PCDH10: variants seen among roughly 807,000 people sequenced by gnomAD.
The protein encoded by PCDH10 is protocadherin-10.
PCDH10 carries 15 observed loss-of-function variants against 74.4 expected under a neutral mutation model. That is an observed-to-expected ratio of 0.20 (90% CI 0.13 to 0.31). The LOEUF is 0.31. Ranked by LOEUF, PCDH10 falls within the 10% of genes least tolerant of loss-of-function variation. The pLI, the probability that PCDH10 is intolerant of heterozygous loss-of-function variation, is 1.00. For missense variants in PCDH10, 1,260 were observed against 1,390.2 expected (o/e 0.91, Z 1.49); for synonymous variants, 619 against 589.8 (o/e 1.05, Z -0.72).
In PCDH10 at chr4:133,150,856, G is replaced by A. The variant is rs1312444319; in HGVS notation, c.716G>A (p.Arg239Gln). 6.2e-7 allele frequency: 1 copy of A among 1,603,692 alleles called. No homozygotes were observed. The highest frequency in any genetic ancestry group is 1.1e-5 in the South Asian group (1 of 90,112). The change falls in exon 1 of 5, where the codon CGA becomes CAA. Residue 239 changes from arginine to glutamine, a missense_variant. Physicochemically the swap from Arg to Gln is conservative, Grantham distance 43. Coordinates refer to ENST00000264360, the MANE Select transcript of PCDH10 (RefSeq NM_032961.3). ...QRTGTALLTI[R>Q]VLDSNDNVPA... ...ACCGGCACGGCCCTACTCACCATCC[G>A]AGTGCTGGACTCCAATGACAATGTG... is the stretch of plus-strand genomic sequence containing the variant.
At chr4:133,157,518 T>C (rs1034375072) in intron 3 of PCDH10, among the ~76,000 whole-genome samples, 1 of 152,066 alleles carries the variant, frequency 6.6e-6, no homozygotes, top group African/African-American at 2.4e-5. Flanking sequence ...AAGTTCAGGA[T>C]AGGAAAAAAA....
At chr4:133,207,893 A>G (rs758419728) in intron 2 of PCDH10, among the ~76,000 whole-genome samples, 5 of 152,162 alleles carry the variant, frequency 3.3e-5, no homozygotes, top group Non-Finnish European at 5.9e-5. Flanking sequence ...ACATCCTAAC[A>G]TTGACAGCCT....
At chr4:133,186,355 T>G (rs1366222776) in intron 4 of PCDH10, among the ~76,000 whole-genome samples, 2 of 152,144 alleles carry the variant, frequency 1.3e-5, no homozygotes, top group Non-Finnish European at 2.9e-5. Context: ...ACTTCTGATT[T>G]CATTTGATTG....
At chr4:133,185,547 C>A (rs751608697) in intron 4 of PCDH10, among the ~76,000 whole-genome samples, 1 of 152,090 alleles carries the variant, frequency 6.6e-6, no homozygotes, top group Admixed American at 6.6e-5. Context: ...TTACATAGAG[C>A]GGAGAGCAGA....
chr4:133,189,328 C>T (rs945142612), intron 4 of PCDH10, among the ~76,000 whole-genome samples: 14 of 152,038 alleles, frequency 9.2e-5, no homozygotes, highest in Non-Finnish European at 1.8e-4. Context: ...GATGCAACTT[C>T]TGCTCTCATT....
chr4:133,152,549 G>T lies in PCDH10; in HGVS notation c.2409G>T (p.Pro803=). 2 of 1,614,140 alleles carry T rather than the reference G, an allele frequency of 1.2e-6. No homozygotes were observed. Among genetic ancestry groups the T allele is most frequent in the Non-Finnish European group, 1.7e-6 (2 of 1,180,024 alleles). ...TACCCAGTAACCCGGCCCAGGTGCC[G>T]ATAGAGGAGTCCGGGGGCTTTGGCT... ...SNVPSNPAQV[P]IEESGGFGSH... is the part of the protein sequence containing the mutation. The change falls in exon 1 of 5, where the codon CCG becomes CCT. Residue 803 remains proline, a synonymous_variant. Transcript: ENST00000264360.
intron 4 of PCDH10, among the ~76,000 whole-genome samples, chr4:133,172,318 CTTA>C (rs963677255): frequency 2.5e-4 from 38 of 151,944 alleles, no homozygotes; most frequent in African/African-American, 8.0e-4. Context: ...TGGTTATCTA[CTTA>C]TTATTTAAAT....
chr4:133,180,203 C>T (rs1163587399), intron 4 of PCDH10, among the ~76,000 whole-genome samples: 1 of 152,006 alleles, frequency 6.6e-6, no homozygotes, highest in South Asian at 2.1e-4. Flanking sequence ...TTGTCTGCCA[C>T]GTATCATTGG....
chr4:133,151,364 C>A lies in PCDH10; in HGVS notation c.1224C>A (p.Ser408=), dbSNP rs534409587. ...LGDVPFRLKS[S]FKNYYTIVTE... is the part of the protein sequence containing the mutation. ...ACGTGCCTTTCCGCCTCAAGTCTTCCTTTAAGAATTACTACACCATCGTTA... is the reference window on the plus strand; with the variant it reads ...ACGTGCCTTTCCGCCTCAAGTCTTCATTTAAGAATTACTACACCATCGTTA... Residue 408 remains serine (S), a synonymous_variant, in exon 1 of 5, where the codon TCC becomes TCA. Transcript: ENST00000264360. The A allele has an allele frequency of 6.2e-7, 1 of 1,614,174 alleles. No individual in the cohort carries two copies. Among genetic ancestry groups the A allele is most frequent in the African/African-American group, 1.3e-5 (1 of 75,060 alleles).
At chr4:133,195,884 A>ACTCCC (rs1488814134), downstream of PCDH10, among the ~76,000 whole-genome samples, 1 of 152,062 alleles carries the variant, frequency 6.6e-6, no homozygotes, top group Non-Finnish European at 1.5e-5. Context: ...ACTGTGAATC[A>ACTCCC]CTCCCCAAAA....
chr4:133,204,780 CCCTGGG>C (rs1727969377), intron 2 of PCDH10, among the ~76,000 whole-genome samples: 1 of 152,084 alleles, frequency 6.6e-6, no homozygotes, highest in Admixed American at 6.5e-5. Flanking sequence ...GGGATTCCTG[CCCTGGG>C]ATTATTGGGA....
chr4:133,205,894 GTTTA>G (rs917260943), intron 2 of PCDH10, among the ~76,000 whole-genome samples: 2 of 151,998 alleles, frequency 1.3e-5, no homozygotes, highest in African/African-American at 4.8e-5. Flanking sequence ...ATTGATGACA[GTTTA>G]TTTTTCATTT....
At chr4:133,172,799 A>C (rs545176706) in intron 4 of PCDH10, among the ~76,000 whole-genome samples, 1 of 152,084 alleles carries the variant, frequency 6.6e-6, no homozygotes, top group Non-Finnish European at 1.5e-5. Flanking sequence ...GTGTGTGAGC[A>C]AAGAGACAAT....
chr4:133,200,090 G>T (rs867102010), intron 2 of PCDH10, among the ~76,000 whole-genome samples: 15 of 151,622 alleles, frequency 9.9e-5, no homozygotes, highest in African/African-American at 3.4e-4. Flanking sequence ...GAGCCACCGC[G>T]CCCGGCCTTT....
chr4:133,188,649 T>A (rs1727590725), intron 4 of PCDH10, among the ~76,000 whole-genome samples: 1 of 148,122 alleles, frequency 6.8e-6, no homozygotes, highest in Admixed American at 6.7e-5. Flanking sequence ...TTGATGATGG[T>A]GCCTGACTGC....
Position 133,151,157 on chromosome 4 carries a change from T to A in PCDH10, c.1017T>A (p.Pro339=). 1 of 1,614,128 alleles carries A rather than the reference T, an allele frequency of 6.2e-7. No individual in the cohort carries two copies. The highest frequency in any genetic ancestry group is 8.5e-7 in the Non-Finnish European group (1 of 1,179,990). ...QAKDLGPNAV[P]AHCKVLVRVL... is the part of the protein sequence containing the mutation. Reference sequence around the variant, plus strand: ...AGGACCTGGGCCCCAACGCCGTGCCTGCGCACTGCAAGGTGCTAGTGCGAG... The same window carrying A: ...AGGACCTGGGCCCCAACGCCGTGCCAGCGCACTGCAAGGTGCTAGTGCGAG... The change falls in exon 1 of 5, where the codon CCT becomes CCA. Residue 339 remains proline, a synonymous_variant. Transcript: ENST00000264360.
intron 4 of PCDH10, among the ~76,000 whole-genome samples, chr4:133,181,388 A>G (rs1727413844): frequency 6.6e-6 from 1 of 152,056 alleles, no homozygotes; most frequent in Admixed American, 6.6e-5. Flanking sequence ...CTATAATTTA[A>G]AAACACAATG....
At position 133,184,661 on chromosome 4, in the gene PCDH10, GTTAT is replaced by G. The variant is rs1213524234; in HGVS notation, c.3104-5471_3104-5468del. The stretch of plus-strand genomic sequence containing the variant: ...ATTATCTATAAATATAAATAAATAA[GTTAT>G]TTATTTATATTTATTTACATATATT... On this transcript the variant is annotated intron_variant, in intron 4 of 4. Transcript: ENST00000264360. 6.3e-5 allele frequency among the ~76,000 whole-genome samples: 9 copies of G among 143,340 alleles called. No individual in the cohort carries two copies. In the South Asian group the frequency reaches 6.6e-4, roughly 10 times the overall value. The allele number at this position is 143,340 out of a possible 152,430, so 94.0% of individuals were successfully genotyped here.
chr4:133,202,722 T>C (rs945361210), intron 2 of PCDH10, among the ~76,000 whole-genome samples: 2 of 152,180 alleles, frequency 1.3e-5, no homozygotes, highest in East Asian at 3.9e-4. Context: ...TGGCCAGTTA[T>C]GCTGACCTTT....
Sources: allele counts gnomAD v4.1 joint callset (sites outside exome capture counted in the v4.1 genomes callset), GRCh38; gene constraint gnomAD v4.1.1; transcripts MANE v1.5; gene names NCBI Gene and HGNC (gene_info 2026-07-23, HGNC 2026-07-21).